PRKN: variants seen among roughly 807,000 people sequenced by gnomAD.
PRKN encodes E3 ubiquitin-protein ligase parkin.
Under a neutral mutation model 59.5 loss-of-function variants are expected in PRKN, and 56 were observed. The observed-to-expected ratio is 0.94, with a 90% CI of 0.76 to 1.18. The LOEUF is 1.18. PRKN is among the 50% of genes most tolerant of loss of function. The probability of loss-of-function intolerance (pLI) is 0.00; values close to 1 mark genes in which losing one functional copy is unlikely to be tolerated. For synonymous variants in PRKN, 250 were observed against 222.1 expected (o/e 1.13, Z -1.12); for missense variants, 657 against 596.4 (o/e 1.10, Z -1.06).
At chr6:161,788,285 G>T (rs761746907) in intron 6 of PRKN, among the ~76,000 whole-genome samples, 1 of 152,120 alleles carries the variant, frequency 6.6e-6, no homozygotes, top group African/African-American at 2.4e-5. Flanking sequence ...CAAGCACTAC[G>T]TTGGCGGCCA....
intron 7 of PRKN, among the ~76,000 whole-genome samples, chr6:161,701,111 GT>G (rs1401342020): frequency 6.6e-6 from 1 of 152,156 alleles, no homozygotes. Flanking sequence ...GGTAAGAAAG[GT>G]GATAGGAACT....
At chr6:162,353,675 G>A (rs758119640) in intron 2 of PRKN, among the ~76,000 whole-genome samples, 48 of 152,034 alleles carry the variant, frequency 3.2e-4, no homozygotes, top group Non-Finnish European at 5.9e-4. Flanking sequence ...TTTTTGGAAA[G>A]TGGCATGATA....
chr6:162,021,153 TATATATATATATAA>T (rs1373360793), intron 5 of PRKN, among the ~76,000 whole-genome samples: 8 of 18,854 alleles, frequency 4.2e-4, no homozygotes, highest in African/African-American at 1.2e-3. Flanking sequence ...TATATATATA[TATATATATATATAA>T]AATATATGTG....
chr6:162,615,902 T>G (rs142056300), intron 1 of PRKN, among the ~76,000 whole-genome samples: 504 of 152,304 alleles, frequency 3.3e-3, no homozygotes, highest in Admixed American at 5.2e-3. Flanking sequence ...GTTATCCACA[T>G]TGGCAGAGTA....
intron 4 of PRKN, among the ~76,000 whole-genome samples, chr6:162,200,581 T>C (rs1353003178): frequency 6.6e-6 from 1 of 152,238 alleles, no homozygotes; most frequent in Non-Finnish European, 1.5e-5. Flanking sequence ...CGTCAGGGGC[T>C]GCACAGAAAC....
intron 7 of PRKN, among the ~76,000 whole-genome samples, chr6:161,676,328 A>G (rs900532869): frequency 2.0e-5 from 3 of 152,230 alleles, no homozygotes; most frequent in Non-Finnish European, 4.4e-5. Flanking sequence ...CAATAGATCA[A>G]TGATTCAAGG....
intron 1 of PRKN, among the ~76,000 whole-genome samples, chr6:162,557,510 TTTTCTG>T (rs1310999798): frequency 7.3e-6 from 1 of 136,966 alleles, no homozygotes; most frequent in Non-Finnish European, 1.6e-5. Flanking sequence ...TTGTTTTCTG[TTTTCTG>T]TTTGTTTGTT....
intron 1 of PRKN, among the ~76,000 whole-genome samples, chr6:162,576,643 C>A (rs1370567758): frequency 6.6e-6 from 1 of 152,038 alleles, no homozygotes; most frequent in Admixed American, 6.6e-5. Context: ...GAAACCCTGT[C>A]TCTACTAAAA....
At chr6:161,634,402 A>C (rs188767413) in intron 7 of PRKN, among the ~76,000 whole-genome samples, 2 of 152,244 alleles carry the variant, frequency 1.3e-5, no homozygotes, top group Non-Finnish European at 1.5e-5. Context: ...CTCAGCACTG[A>C]CCTGTGGCAA....
intron 4 of PRKN, among the ~76,000 whole-genome samples, chr6:162,108,255 A>C (rs1047952837): frequency 6.6e-6 from 1 of 152,174 alleles, no homozygotes; most frequent in Admixed American, 6.6e-5. Flanking sequence ...GTTCCAGAAG[A>C]CACAGCCCTT....
intron 7 of PRKN, among the ~76,000 whole-genome samples, chr6:161,672,128 G>T (rs1431326047): frequency 1.3e-5 from 2 of 152,084 alleles, no homozygotes; most frequent in Non-Finnish European, 2.9e-5. Flanking sequence ...CGACCTGCAG[G>T]TTATATGAGT....
intron 1 of PRKN, among the ~76,000 whole-genome samples, chr6:162,525,660 G>T (rs1263939783): frequency 6.6e-6 from 1 of 152,112 alleles, no homozygotes; most frequent in East Asian, 1.9e-4. Flanking sequence ...ACGAGTCAGA[G>T]ATTTTGGCCA....
At chr6:161,505,118 C>T (rs373833478) in intron 9 of PRKN, among the ~76,000 whole-genome samples, 166 of 152,168 alleles carry the variant, frequency 1.1e-3, no homozygotes, top group African/African-American at 3.6e-3. Flanking sequence ...CCACAATGGT[C>T]GAACTAGTTT....
At chr6:161,580,603 A>G (rs1781300459) in intron 7 of PRKN, among the ~76,000 whole-genome samples, 1 of 151,846 alleles carries the variant, frequency 6.6e-6, no homozygotes, top group Non-Finnish European at 1.5e-5. Context: ...CAGCCTCCCC[A>G]GTAGCTAGGA....
intron 1 of PRKN, among the ~76,000 whole-genome samples, chr6:162,455,486 T>C (rs747225018): frequency 1.3e-5 from 2 of 152,214 alleles, no homozygotes; most frequent in Admixed American, 6.5e-5. Context: ...TGTAGGCAAT[T>C]ATAATACAGT....
At chr6:162,427,644 G>GTTTTTTTTTT (rs1219394770) in intron 2 of PRKN, among the ~76,000 whole-genome samples, 3 of 144,208 alleles carry the variant, frequency 2.1e-5, no homozygotes. Context: ...GTAAATAAAT[G>GTTTTTTTTTT]TTTTTTTTTC....
intron 1 of PRKN, among the ~76,000 whole-genome samples, chr6:162,672,194 T>G (rs1314774198): frequency 6.6e-6 from 1 of 152,162 alleles, no homozygotes; most frequent in Non-Finnish European, 1.5e-5. Context: ...ACTAAAGATG[T>G]TGTCTTATTG....
chr6:161,543,115 A>C (rs1280966223), intron 9 of PRKN, among the ~76,000 whole-genome samples: 2 of 152,212 alleles, frequency 1.3e-5, no homozygotes, highest in Non-Finnish European at 2.9e-5. Context: ...TTTTAAACTC[A>C]ATAATTAGTT....
chr6:161,522,111 G>C (rs187583842), intron 9 of PRKN, among the ~76,000 whole-genome samples: 1 of 152,248 alleles, frequency 6.6e-6, no homozygotes, highest in East Asian at 1.9e-4. Flanking sequence ...TTCTTAAAAA[G>C]CCGAGTTGGT....
Sources: gnomAD v4.1 joint callset for allele counts (sites outside exome capture counted in the v4.1 genomes callset) on GRCh38, gnomAD v4.1.1 for gene constraint, MANE v1.5 for transcripts, NCBI Gene and HGNC (gene_info 2026-07-23, HGNC 2026-07-21) for gene names.